Variants in TIAM1 observed in about 807,000 individuals in gnomAD.
TIAM1 encodes the protein rho guanine nucleotide exchange factor TIAM1.
Under a neutral mutation model 163.5 loss-of-function variants are expected in TIAM1, and 65 were observed. The observed-to-expected ratio is 0.40, with a 90% confidence interval of 0.33 to 0.49. The LOEUF (loss-of-function observed/expected upper bound fraction) is 0.49, where lower values mean the gene tolerates loss of function less well. Ranked by LOEUF, TIAM1 falls within the 20% of genes least tolerant of loss-of-function variation. The pLI is 0.77. For synonymous variants in TIAM1, 833 were observed against 810.1 expected (o/e 1.03, Z -0.48); for missense variants, 1,789 against 2,044.7 (o/e 0.87, Z 2.41).
At chr21:31,487,850 C>T (rs1232205381) in intron 1 of TIAM1, among the ~76,000 whole-genome samples, 3 of 152,152 alleles carry the variant, frequency 2.0e-5, no homozygotes, top group Non-Finnish European at 4.4e-5. Context: ...AGCCACCGCG[C>T]CCGGCCTTTT....
intron 20 of TIAM1, among the ~76,000 whole-genome samples, chr21:31,144,276 C>T (rs1208891583): frequency 6.6e-6 from 1 of 152,166 alleles, no homozygotes; most frequent in African/African-American, 2.4e-5. Context: ...TTTTGTGGGG[C>T]ATCCCAAGTC....
intron 10 of TIAM1, among the ~76,000 whole-genome samples, chr21:31,211,428 T>C (rs1379962393): frequency 6.6e-6 from 1 of 152,208 alleles, no homozygotes; most frequent in Non-Finnish European, 1.5e-5. Context: ...TCATTATTGA[T>C]TTATAACCAG....
chr21:31,386,719 A>G (rs1044064004), intron 2 of TIAM1, among the ~76,000 whole-genome samples: 2 of 152,142 alleles, frequency 1.3e-5, no homozygotes, highest in Non-Finnish European at 2.9e-5. Context: ...CAGGCCAGGT[A>G]CATACATCTT....
intron 2 of TIAM1, among the ~76,000 whole-genome samples, chr21:31,281,108 A>C (rs1380822131): frequency 6.8e-6 from 1 of 148,020 alleles, no homozygotes; most frequent in Non-Finnish European, 1.5e-5. Flanking sequence ...AAAAAAAAAA[A>C]CAACGACAAA....
intron 2 of TIAM1, among the ~76,000 whole-genome samples, chr21:31,389,436 T>A (rs1334519223): frequency 6.6e-6 from 1 of 152,330 alleles, no homozygotes; most frequent in East Asian, 1.9e-4. Flanking sequence ...CTGGAACTCC[T>A]GACCCCAGGT....
intron 2 of TIAM1, among the ~76,000 whole-genome samples, chr21:31,437,046 A>G (rs1281311612): frequency 6.6e-6 from 1 of 152,156 alleles, no homozygotes; most frequent in Admixed American, 6.5e-5. Context: ...TCTTATCTCA[A>G]AAGTAATGTC....
intron 2 of TIAM1, among the ~76,000 whole-genome samples, chr21:31,361,018 A>G (rs2147134999): frequency 6.6e-6 from 1 of 152,316 alleles, no homozygotes. Context: ...TTCTAGAAAT[A>G]CACCCCAAGA....
intron 3 of TIAM1, among the ~76,000 whole-genome samples, chr21:31,276,397 T>G (rs1490903899): frequency 1.3e-5 from 2 of 152,196 alleles, no homozygotes; most frequent in Non-Finnish European, 2.9e-5. Flanking sequence ...ATCATTGTTT[T>G]CAAGTCAGAT....
chr21:31,189,385 T>C (rs1021497004), intron 13 of TIAM1, among the ~76,000 whole-genome samples: 2 of 152,068 alleles, frequency 1.3e-5, no homozygotes, highest in African/African-American at 4.8e-5. Flanking sequence ...TCTTTTTGTA[T>C]AATCAAAAGG....
intron 1 of TIAM1, among the ~76,000 whole-genome samples, chr21:31,465,563 A>C (rs1381692655): frequency 1.3e-5 from 2 of 148,922 alleles, no homozygotes; most frequent in East Asian, 3.9e-4. Flanking sequence ...CCTGGCAGTG[A>C]GTAGTGATCT....
At chr21:31,202,383 C>A (rs1435533747) in intron 12 of TIAM1, among the ~76,000 whole-genome samples, 1 of 145,038 alleles carries the variant, frequency 6.9e-6, no homozygotes, top group Non-Finnish European at 1.5e-5. Flanking sequence ...AGGATCCTGT[C>A]TCTACAAAAA....
At chr21:31,265,971 C>G (rs1367352082) in intron 4 of TIAM1, 39 bp downstream of exon 4, 1 of 1,598,096 alleles carries the variant, frequency 6.3e-7, no homozygotes, top group Non-Finnish European at 8.5e-7. Flanking sequence ...GAGTCATGCA[C>G]CATTCCCAAA....
chr21:31,379,143 T>C (rs1311736092), intron 2 of TIAM1, among the ~76,000 whole-genome samples: 1 of 152,160 alleles, frequency 6.6e-6, no homozygotes, highest in Non-Finnish European at 1.5e-5. Flanking sequence ...GGCTAATTTT[T>C]GTATTTTCAG....
At chr21:31,489,075 A>G (rs1029377187) in intron 1 of TIAM1, among the ~76,000 whole-genome samples, 1 of 151,754 alleles carries the variant, frequency 6.6e-6, no homozygotes, top group Non-Finnish European at 1.5e-5. Context: ...AAACGGTAAC[A>G]ATAATAACTG....
At chr21:31,450,511 G>C (rs1450456484) in intron 2 of TIAM1, among the ~76,000 whole-genome samples, 1 of 152,118 alleles carries the variant, frequency 6.6e-6, no homozygotes, top group Non-Finnish European at 1.5e-5. Context: ...GGAAAATGCA[G>C]AGCACATACC....
intron 1 of TIAM1, among the ~76,000 whole-genome samples, chr21:31,473,173 G>A (rs967883054): frequency 1.3e-5 from 2 of 152,182 alleles, no homozygotes; most frequent in Non-Finnish European, 2.9e-5. Context: ...GCTCACGCCT[G>A]TAATCCCAGC....
intron 9 of TIAM1, among the ~76,000 whole-genome samples, chr21:31,216,169 C>CAAACA (rs889742700): frequency 1.1e-4 from 16 of 151,832 alleles, no homozygotes; most frequent in African/African-American, 2.4e-4. Flanking sequence ...GACTCCATCA[C>CAAACA]AAACAAAACA....
rs753992216 is a variant in TIAM1, at chr21:31,120,654, T to A, written c.4490A>T (p.Asp1497Val). The A allele has an allele frequency of 6.2e-7, 1 of 1,614,176 alleles. No homozygotes were observed. Among genetic ancestry groups the A allele is most frequent in the Non-Finnish European group, 8.5e-7 (1 of 1,180,034 alleles). ...GAGGATGTCTGTCTCCTTGATGTCA[T>A]CTTGCTCCTCATACTGAGCAAGATC... is the stretch of plus-strand genomic sequence containing the variant. ...QFDLAQYEEQ[D>V]DIKETDILSD... Residue 1497 changes from aspartate (D) to valine (V), a missense_variant, in exon 28 of 28, where the codon GAT becomes GTT. Transcript: ENST00000541036. This position sits in a 1 kb window ranked among gnomAD's most constrained non-coding sequence, Gnocchi z 4.2.
chr21:31,553,786 A>C (rs2048775327), intron 1 of TIAM1, among the ~76,000 whole-genome samples: 1 of 152,008 alleles, frequency 6.6e-6, no homozygotes, highest in Non-Finnish European at 1.5e-5. Flanking sequence ...AGCAGACGTC[A>C]CTATTGTCCC....
Sources: gnomAD v4.1 joint callset for allele counts (sites outside exome capture counted in the v4.1 genomes callset) on GRCh38, gnomAD v4.1.1 for gene constraint, Gnocchi (gnomAD v3.1) non-coding constraint, MANE v1.5 for transcripts, NCBI Gene and HGNC (gene_info 2026-07-23, HGNC 2026-07-21) for gene names.